Variants in EPS15 observed in about 807,000 individuals in gnomAD.
The protein encoded by EPS15 is epidermal growth factor receptor pathway substrate 15.
In EPS15, 72 loss-of-function variants were observed where a neutral mutation model predicts 113.8. The ratio of observed to expected loss-of-function variants is 0.63; its 90% CI spans 0.52 to 0.77. The LOEUF (loss-of-function observed/expected upper bound fraction) is 0.77. Among genes scored for constraint, EPS15 ranks in the 30% least tolerant of loss-of-function variants. The probability of loss-of-function intolerance (pLI) is 0.00; values close to 1 mark genes in which losing one functional copy is unlikely to be tolerated. For missense variants in EPS15, 1,048 were observed against 1,045.8 expected, an observed-to-expected ratio of 1.00 and a Z score of -0.03; for synonymous variants, 344 against 363.4, an observed-to-expected ratio of 0.95 and a Z score of 0.61.
intron 1 of EPS15, chr1:51,490,332 A>G: frequency 2.3e-6 from 1 of 440,832 alleles, no homozygotes. Flanking sequence ...CTGGGCGGCC[A>G]AAGCGGGCAA....
At position 51,355,762 on chromosome 1, in the gene EPS15, C is replaced by T. The variant is rs1169921903; in HGVS notation, c.*938G>A. 1 of 191,070 alleles carries T rather than the reference C, an allele frequency of 5.2e-6. No individual in the cohort carries two copies. The highest frequency in any genetic ancestry group is 8.2e-5 in the East Asian group (1 of 12,146). The allele number at this position is 191,070 out of a possible 1,614,324, so 11.8% of individuals were successfully genotyped here. A position where few individuals can be genotyped will look rare whatever the true frequency, so the allele number is the denominator to read the frequency against. Reference sequence around the variant, plus strand: ...TGAAAAATTAAAGTACCTTCCAGTTCTAGCTTGCTGAAGTTTCTTCTGCAA... The same window carrying T: ...TGAAAAATTAAAGTACCTTCCAGTTTTAGCTTGCTGAAGTTTCTTCTGCAA... On this transcript the variant is annotated 3_prime_UTR_variant, in exon 25 of 25. Transcript: ENST00000371733.
chr1:51,408,205 A>C lies in EPS15; in HGVS notation c.1403T>G (p.Val468Gly). ...TTCCAACTGAGCCTTCCCTGACTCT[A>C]CACTCTCCTCCAATTCTGCTGTTTC... ...QQETAELEES[V>G]ESGKAQLEPL... Residue 468 changes from valine to glycine, a missense_variant, in exon 15 of 25, where the codon GTA becomes GGA. By Grantham distance (109) the Val-to-Gly change is moderately radical. Transcript: ENST00000371733. The C allele has an allele frequency of 2.5e-6, 4 of 1,614,018 alleles. No homozygotes were observed. Among genetic ancestry groups the C allele is most frequent in the Non-Finnish European group, 3.4e-6 (4 of 1,179,882 alleles).
chr1:51,362,445 A>G (rs1158121138), intron 23 of EPS15, among the ~76,000 whole-genome samples: 1 of 152,226 alleles, frequency 6.6e-6, no homozygotes, highest in Non-Finnish European at 1.5e-5. Flanking sequence ...AGATTCTTAG[A>G]TTGAGCAAAA....
At chr1:51,452,597 T>C (rs1653667896) in intron 8 of EPS15, among the ~76,000 whole-genome samples, 1 of 152,192 alleles carries the variant, frequency 6.6e-6, no homozygotes, top group Non-Finnish European at 1.5e-5. Context: ...TTTCCAGGAT[T>C]ACCAATCTCA....
chr1:51,422,943 C>T lies in EPS15; in HGVS notation c.1041-1085G>A, dbSNP rs146953072. ...ATTTCAGTTTCCATCTCAGACATAA[C>T]CCAAAATGTAAGCTCAGGCTCCATT... On this transcript the variant is annotated intron_variant, in intron 12 of 24. Coordinates refer to ENST00000371733, the MANE Select transcript of EPS15 (RefSeq NM_001981.3). Among the ~76,000 whole-genome samples, 26 of 152,308 alleles carry T rather than the reference C, an allele frequency of 1.7e-4. No homozygotes were observed. In the East Asian group the frequency reaches 5.0e-3, roughly 29 times the overall value.
At chr1:51,508,316 G>GAGAA (rs774438149) in intron 1 of EPS15, among the ~76,000 whole-genome samples, 30 of 124,030 alleles carry the variant, frequency 2.4e-4, no homozygotes, top group African/African-American at 8.9e-4. Flanking sequence ...GAGAGAAAGA[G>GAGAA]AGAAAGAGAG....
At chr1:51,375,484 T>C (rs1172110939) in intron 21 of EPS15, among the ~76,000 whole-genome samples, 1 of 152,110 alleles carries the variant, frequency 6.6e-6, no homozygotes, top group Non-Finnish European at 1.5e-5. Flanking sequence ...TGGAAGAAAA[T>C]AATAAGGGTA....
intron 21 of EPS15, chr1:51,382,213 A>G (rs1033811684): frequency 3.3e-5 from 5 of 152,184 alleles, no homozygotes; most frequent in Non-Finnish European, 4.4e-5. Context: ...TCTGAGAAAC[A>G]CAAGTCATGG....
rs967134056 is a variant in EPS15, at chr1:51,444,985, A to G, written c.858T>C (p.Phe286=). ...TGATTAACTTCTGACTGATTAAGTG[A>G]AAAGCCAAGGCAAACTGATCCTTTG... ...KLSKDQFALA[F]HLISQKLIKG... Residue 286 remains phenylalanine, a synonymous_variant, in exon 11 of 25, where the codon TTT becomes TTC. Transcript: ENST00000371733. The G allele has an allele frequency of 1.3e-5, 21 of 1,613,932 alleles. No homozygotes were observed. Among genetic ancestry groups the G allele is most frequent in the East Asian group, 1.1e-4 (5 of 44,884 alleles).
At chr1:51,425,390 T>C (rs1179804899) in intron 12 of EPS15, among the ~76,000 whole-genome samples, 2 of 152,248 alleles carry the variant, frequency 1.3e-5, no homozygotes, top group Non-Finnish European at 2.9e-5. Context: ...GTCTCAGTTT[T>C]TGATGCAATT....
Position 51,363,934 on chromosome 1 carries a change from C to G in EPS15, c.2291G>C (p.Ser764Thr). The G allele has an allele frequency of 6.2e-7, 1 of 1,614,030 alleles. No homozygotes were observed. Among genetic ancestry groups the G allele is most frequent in the Middle Eastern group, 1.6e-4 (1 of 6,062 alleles). Reference protein sequence around the residue: ...KNVFEETSVKSEDEPPALPPK... With the variant: ...KNVFEETSVKTEDEPPALPPK... Reference sequence around the variant, plus strand: ...TGGCAGTGCTGGGGGTTCATCTTCACTTTTGACCGATGTTTCCTCAAATAC... The same window carrying G: ...TGGCAGTGCTGGGGGTTCATCTTCAGTTTTGACCGATGTTTCCTCAAATAC... The change falls in exon 23 of 25, where the codon AGT becomes ACT. Residue 764 changes from serine (S) to threonine (T), a missense_variant. Transcript: ENST00000371733.
chr1:51,478,746 T>C (rs1412959993), intron 2 of EPS15, among the ~76,000 whole-genome samples: 2 of 152,168 alleles, frequency 1.3e-5, no homozygotes, highest in Non-Finnish European at 2.9e-5. Flanking sequence ...AAATTCTGGG[T>C]TGAAAATTCT....
chr1:51,421,883 G>T (rs1426756654), intron 12 of EPS15, 25 bp from the exon 13 acceptor site: 1 of 1,610,342 alleles, frequency 6.2e-7, no homozygotes, highest in Admixed American at 1.7e-5. Flanking sequence ...AACAATGCAA[G>T]AATATTTTAG....
intron 1 of EPS15, among the ~76,000 whole-genome samples, chr1:51,508,267 AG>A (rs1472371515): frequency 0.052 from 6,746 of 128,702 alleles, 345 homozygotes; most frequent in African/African-American, 0.13. Context: ...AGAGAGAGAG[AG>A]AGAGAAAGAG....
intron 14 of EPS15, 126 bp from the exon 15 acceptor site, chr1:51,408,458 A>G (rs1342009260): frequency 1.5e-6 from 1 of 669,384 alleles, no homozygotes; most frequent in Admixed American, 2.8e-5. Flanking sequence ...CAGCAATAGC[A>G]AATAATTTAT....
At chr1:51,444,824 G>A in intron 11 of EPS15, 65 bp downstream of exon 11, 2 of 1,419,242 alleles carry the variant, frequency 1.4e-6, no homozygotes, top group South Asian at 2.5e-5. Flanking sequence ...AATTGAATCT[G>A]TAATTCGACA....
At chr1:51,384,294 C>CTTTTTTTTTTTTTTTTTTTTTTT (rs201374174) in intron 21 of EPS15, among the ~76,000 whole-genome samples, 1 of 98,524 alleles carries the variant, frequency 1.0e-5, no homozygotes, top group African/African-American at 4.0e-5. Flanking sequence ...CTTTTTCTTT[C>CTTTTTTTTTTTTTTTTTTTTTTT]TTTCTTTTTT....
intron 10 of EPS15, among the ~76,000 whole-genome samples, chr1:51,446,301 C>G (rs1292762220): frequency 6.6e-6 from 1 of 152,130 alleles, no homozygotes; most frequent in African/African-American, 2.4e-5. Flanking sequence ...TACATATACA[C>G]TATAAAATTA....
chr1:51,516,208 T>C (rs1055131189), intron 1 of EPS15, among the ~76,000 whole-genome samples: 2 of 152,200 alleles, frequency 1.3e-5, no homozygotes, highest in East Asian at 1.9e-4. Context: ...CATAGAACAC[T>C]GTCTATAAAA....
Sources: allele counts gnomAD v4.1 joint callset (sites outside exome capture counted in the v4.1 genomes callset), GRCh38; gene constraint gnomAD v4.1.1; transcripts MANE v1.5; gene names NCBI Gene and HGNC (gene_info 2026-07-23, HGNC 2026-07-21).